ELMO1: variants seen among roughly 807,000 people sequenced by gnomAD.
ELMO1 encodes engulfment and cell motility protein 1.
ELMO1 carries 26 observed loss-of-function variants against 98.9 expected under a neutral mutation model. The ratio of observed to expected loss-of-function variants is 0.26; its 90% CI spans 0.19 to 0.36. ELMO1 has a LOEUF of 0.36. Among genes scored for constraint, ELMO1 ranks in the 10% least tolerant of loss-of-function variants. The pLI is 1.00. For synonymous variants in ELMO1, 346 were observed against 346.0 expected, an observed-to-expected ratio of 1.00 and a Z score of 0.00; for missense variants, 627 against 935.2, an observed-to-expected ratio of 0.67 and a Z score of 4.30.
chr7:37,131,845 C>A (rs1786941769), intron 14 of ELMO1, among the ~76,000 whole-genome samples: 1 of 152,068 alleles, frequency 6.6e-6, no homozygotes, highest in African/African-American at 2.4e-5. Context: ...TCAAAGCTTC[C>A]CAAACTCCAT....
intron 16 of ELMO1, among the ~76,000 whole-genome samples, chr7:36,899,806 G>A (rs1285063563): frequency 6.7e-6 from 1 of 149,216 alleles, no homozygotes; most frequent in Admixed American, 6.8e-5. Flanking sequence ...GCAAATGTAA[G>A]TTCCTCCTTC....
At chr7:36,987,474 A>G (rs1791595171) in intron 16 of ELMO1, among the ~76,000 whole-genome samples, 1 of 152,166 alleles carries the variant, frequency 6.6e-6, no homozygotes, top group South Asian at 2.1e-4. Context: ...AGAGAAAAGA[A>G]TTACTCTCTG....
chr7:36,940,388 A>C (rs1786926151), intron 16 of ELMO1, among the ~76,000 whole-genome samples: 1 of 152,192 alleles, frequency 6.6e-6, no homozygotes, highest in African/African-American at 2.4e-5. Context: ...ACTTAAGGAG[A>C]ATAGGGAACT....
chr7:37,289,892 C>T (rs1309766202), intron 4 of ELMO1, among the ~76,000 whole-genome samples: 7 of 152,152 alleles, frequency 4.6e-5, no homozygotes, highest in Non-Finnish European at 8.8e-5. Flanking sequence ...AAAAACTTGT[C>T]TTCATCTTAC....
At chr7:37,210,147 G>A (rs759185820) in intron 13 of ELMO1, among the ~76,000 whole-genome samples, 5 of 152,070 alleles carry the variant, frequency 3.3e-5, no homozygotes, top group Non-Finnish European at 7.4e-5. Context: ...TGTGTGGAAA[G>A]CAATTAGACA....
At position 37,259,209 on chromosome 7, in the gene ELMO1, G is replaced by A; in HGVS notation, c.385C>T (p.Leu129Phe). 2 of 1,614,074 alleles carry A rather than the reference G, an allele frequency of 1.2e-6. No homozygotes were observed. Among genetic ancestry groups the A allele is most frequent in the South Asian group, 1.1e-5 (1 of 91,072 alleles). ...EFINLDGISL[L>F]TQMVESGTER... ...GTGCCGCTCTCCACCATCTGCGTGA[G>A]GAGAGAGATACCGTCCAGGTTTATA... Residue 129 changes from leucine (L) to phenylalanine (F), a missense_variant, in exon 6 of 22, where the codon CTC becomes TTC. Around this residue, in one of 3 missense-constraint regions of ELMO1, gnomAD observed 123 missense variants for 171.2 expected, o/e 0.72. Transcript: ENST00000310758.
At chr7:37,090,988 G>A (rs1012949211) in intron 15 of ELMO1, among the ~76,000 whole-genome samples, 12 of 152,154 alleles carry the variant, frequency 7.9e-5, no homozygotes, top group African/African-American at 2.9e-4. Flanking sequence ...AAATATCTTA[G>A]CTGTACCTGA....
intron 4 of ELMO1, among the ~76,000 whole-genome samples, chr7:37,279,275 T>C (rs1392726670): frequency 6.6e-6 from 1 of 152,030 alleles, no homozygotes; most frequent in Non-Finnish European, 1.5e-5. Flanking sequence ...TTCAACTCAA[T>C]GGGGAGACGT....
intron 4 of ELMO1, among the ~76,000 whole-genome samples, chr7:37,285,069 G>A (rs544885966): frequency 3.3e-5 from 5 of 152,182 alleles, no homozygotes; most frequent in Non-Finnish European, 2.9e-5. Context: ...ACAGAGACAC[G>A]TCTATAGTGC....
intron 16 of ELMO1, among the ~76,000 whole-genome samples, chr7:36,932,887 AGT>A (rs1310098348): frequency 1.3e-5 from 2 of 152,194 alleles, no homozygotes; most frequent in Admixed American, 1.3e-4. Context: ...GCAACAGATG[AGT>A]GGGAAATGCT....
intron 16 of ELMO1, among the ~76,000 whole-genome samples, chr7:36,979,723 G>A (rs1306535754): frequency 6.6e-6 from 1 of 152,180 alleles, no homozygotes; most frequent in Admixed American, 6.5e-5. Flanking sequence ...CAAAGTTTCT[G>A]AAATGCGGAC....
Position 37,110,331 on chromosome 7 carries a change from C to T in ELMO1, c.1192-13604G>A, listed in dbSNP as rs562253398. ...ACAGGTGCCCAGGGAACACCAGCCT[C>T]ACTCTCAGCTTCATCTCCAGGTCCC... is the stretch of plus-strand genomic sequence containing the variant. On this transcript the variant is annotated intron_variant, in intron 14 of 21. Coordinates refer to ENST00000310758, the MANE Select transcript of ELMO1 (RefSeq NM_014800.11). 5.3e-5 allele frequency among the ~76,000 whole-genome samples: 8 copies of T among 152,318 alleles called. No individual in the cohort carries two copies. The East Asian group carries it at 1.5e-3, about 29-fold the overall frequency.
chr7:36,937,408 C>T (rs1490653316), intron 16 of ELMO1, among the ~76,000 whole-genome samples: 1 of 152,172 alleles, frequency 6.6e-6, no homozygotes, highest in Non-Finnish European at 1.5e-5. Context: ...CTGTGAAAGG[C>T]AAGGAGAGAT....
At chr7:36,927,734 AT>A (rs1162872034) in intron 16 of ELMO1, among the ~76,000 whole-genome samples, 1 of 152,328 alleles carries the variant, frequency 6.6e-6, no homozygotes, top group Non-Finnish European at 1.5e-5. Flanking sequence ...TTCCCTATAC[AT>A]TTAGCATCAC....
intron 12 of ELMO1, 143 bp downstream of exon 12, chr7:37,213,192 C>T (rs1584817351): frequency 1.9e-6 from 2 of 1,048,964 alleles, no homozygotes; most frequent in East Asian, 5.1e-5. Context: ...ATTTTGAAGC[C>T]ATGCCCCTAA....
At chr7:37,244,473 T>C in intron 6 of ELMO1, 82 bp from the exon 7 acceptor site, 1 of 1,451,124 alleles carries the variant, frequency 6.9e-7, no homozygotes. Context: ...TGAAGAAAAC[T>C]CAGGATTAGA....
At chr7:37,094,109 G>A (rs1584633581) in intron 15 of ELMO1, among the ~76,000 whole-genome samples, 1 of 152,264 alleles carries the variant, frequency 6.6e-6, no homozygotes, top group East Asian at 1.9e-4. Context: ...CATGTTGTAA[G>A]TACTGGATAG....
chr7:37,221,220 A>C (rs1793576587), intron 10 of ELMO1, among the ~76,000 whole-genome samples: 1 of 152,212 alleles, frequency 6.6e-6, no homozygotes. Flanking sequence ...ACTTGTGCAA[A>C]CACAGCCCCC....
rs148975393 is a variant in ELMO1 at position 37,417,835 on chromosome 7, C to G, written c.-74+30840G>C. ...CCAGCCTGGATGACAGAGCAAGACT[C>G]TGTCTCAAAAACAAAAGAGGAAAAC... is the stretch of plus-strand genomic sequence containing the variant. On this transcript the variant is annotated intron_variant, in intron 1 of 21. Transcript: ENST00000310758. 3.9e-4 allele frequency among the ~76,000 whole-genome samples: 59 copies of G among 152,316 alleles called. 1 individual carries two copies. In the East Asian group the frequency reaches 8.7e-3, roughly 22 times the overall value.
Sources: allele counts gnomAD v4.1 joint callset (sites outside exome capture counted in the v4.1 genomes callset), GRCh38; gene constraint gnomAD v4.1.1; regional missense constraint gnomAD v4.1.1; transcripts MANE v1.5; gene names NCBI Gene and HGNC (gene_info 2026-07-23, HGNC 2026-07-21).